Variants in PLAC9 observed in about 807,000 individuals in gnomAD.
PLAC9 encodes the protein placenta-specific protein 9.
In PLAC9, 12 loss-of-function variants were observed where a neutral mutation model predicts 11.5. The observed-to-expected ratio is 1.05, with a 90% CI of 0.67 to 1.69. The LOEUF is 1.69. PLAC9 is among the 40% of genes most tolerant of loss of function. The pLI, the probability that PLAC9 is intolerant of heterozygous loss-of-function variation, is 0.00. For synonymous variants in PLAC9, 62 were observed against 58.1 expected, an observed-to-expected ratio of 1.07 and a Z score of -0.31; for missense variants, 132 against 130.5, an observed-to-expected ratio of 1.01 and a Z score of -0.06.
chr10:80,134,983 C>T (rs56365235), intron 1 of PLAC9, among the ~76,000 whole-genome samples: 15,383 of 150,982 alleles, frequency 0.1, 953 homozygotes, highest in Admixed American at 0.21. Context: ...ATCTCTAGCA[C>T]GTCCAACTTC....
Position 80,144,421 on chromosome 10 carries a change from C to A in PLAC9, c.283+78C>A, listed in dbSNP as rs1228671440. The A allele has an allele frequency of 6.1e-6, 9 of 1,482,308 alleles. No homozygotes were observed. The East Asian group carries it at 2.0e-4, about 33-fold the overall frequency. The allele number at this position is 1,482,308 out of a possible 1,614,324, so 91.8% of individuals were successfully genotyped here. A position where few individuals can be genotyped will look rare whatever the true frequency, so the allele number is the denominator to read the frequency against. Reference sequence around the variant, plus strand: ...TGGGCAGGCGAGACAGGGACGGCTGCTCCACTGCACAGGTGTAGCCTGGCT... The same window carrying A: ...TGGGCAGGCGAGACAGGGACGGCTGATCCACTGCACAGGTGTAGCCTGGCT... On this transcript the variant is annotated intron_variant, in intron 3 of 3. Transcript: ENST00000372263.
chr10:80,134,301 T>A (rs1844949379), intron 1 of PLAC9, among the ~76,000 whole-genome samples: 1 of 150,696 alleles, frequency 6.6e-6, no homozygotes, highest in Non-Finnish European at 1.5e-5. Flanking sequence ...TTTCATTCTG[T>A]CACCCATGCT....
At chr10:80,135,837 T>C (rs1259255173) in intron 1 of PLAC9, among the ~76,000 whole-genome samples, 1 of 152,238 alleles carries the variant, frequency 6.6e-6, no homozygotes, top group Non-Finnish European at 1.5e-5. Flanking sequence ...AAATATTGGA[T>C]GTGGTAAATT....
intron 1 of PLAC9, among the ~76,000 whole-genome samples, chr10:80,135,121 A>G (rs2789696): frequency 0.53 from 80,286 of 150,328 alleles, 22,329 homozygotes; most frequent in Middle Eastern, 0.63. Context: ...CCGGGTTCAC[A>G]CCATTCTCCT....
At chr10:80,135,754 GA>G (rs1159083207) in intron 1 of PLAC9, among the ~76,000 whole-genome samples, 1 of 152,118 alleles carries the variant, frequency 6.6e-6, no homozygotes, top group African/African-American at 2.4e-5. Context: ...ATCACTTGAA[GA>G]ATAGTTTTCT....
At position 80,132,769 on chromosome 10, in the gene PLAC9, C is replaced by T. The variant is rs753632730; in HGVS notation, c.7C>T (p.Pro3Ser). 3.2e-5 allele frequency: 48 copies of T among 1,487,876 alleles called. No individual in the cohort carries two copies. The highest frequency in any genetic ancestry group is 4.4e-5 in the African/African-American group (3 of 68,626). The allele number at this position is 1,487,876 out of a possible 1,614,324, so 92.2% of individuals were successfully genotyped here. Residue 3 changes from proline (P) to serine (S), a missense_variant, in exon 1 of 4, where the codon CCC (proline) becomes TCC (serine). Transcript: ENST00000372263. MRPLLCALTGLAL... is the reference protein window; with the variant it reads MRSLLCALTGLAL... ...GCTCGGCCAGGCCGGCACCATGCGGCCCCTGCTCTGCGCGCTGACCGGACT... is the reference window on the plus strand; with the variant it reads ...GCTCGGCCAGGCCGGCACCATGCGGTCCCTGCTCTGCGCGCTGACCGGACT...
rs1845046658 is a variant in PLAC9, at chr10:80,142,092, C to A, written c.75C>A (p.Pro25=). 6.2e-7 allele frequency: 1 copy of A among 1,610,126 alleles called. No homozygotes were observed. The highest frequency in any genetic ancestry group is 8.5e-7 in the Non-Finnish European group (1 of 1,177,058). Residue 25 remains proline, a synonymous_variant, in exon 2 of 4, where the codon CCC becomes CCA. Coordinates refer to ENST00000372263, the MANE Select transcript of PLAC9 (RefSeq NM_001012973.3). The part of the protein sequence containing the change: ...RAAGSLAAAE[P]FSPPRGDSAQ... ...CTTGTTTTCCCACAGCTGCCGAACC[C>A]TTCAGCCCTCCGCGAGGAGACTCAG...
At chr10:80,143,029 T>C (rs1162874626) in intron 2 of PLAC9, among the ~76,000 whole-genome samples, 1 of 149,152 alleles carries the variant, frequency 6.7e-6, no homozygotes, top group Non-Finnish European at 1.5e-5. Context: ...GGCCAATACA[T>C]ATATTACATC....
chr10:80,140,247 T>C (rs1254957104), intron 1 of PLAC9, among the ~76,000 whole-genome samples: 2 of 151,840 alleles, frequency 1.3e-5, no homozygotes, highest in Non-Finnish European at 2.9e-5. Context: ...CCATAAATAC[T>C]CCTCTAGACC....
rs766334142 is a variant in PLAC9, at chr10:80,142,170, C to A, written c.153C>A (p.Val51=). The A allele has an allele frequency of 1.9e-6, 3 of 1,604,932 alleles. No individual in the cohort carries two copies. The South Asian group carries it at 3.3e-5, about 18-fold the overall frequency. ...RHMAVQRRLD[V]MEEMVEKTVD... ...TGGCTGTGCAACGCCGTCTAGATGT[C>A]ATGGAGGAGGTAACAGGGTGGTTTG... Residue 51 remains valine (V), a synonymous_variant, in exon 2 of 4, where the codon GTC becomes GTA. Coordinates refer to ENST00000372263, the MANE Select transcript of PLAC9 (RefSeq NM_001012973.3).
chr10:80,133,023 C>A (rs1844930928), intron 1 of PLAC9, among the ~76,000 whole-genome samples, 197 bp downstream of exon 1: 1 of 151,580 alleles, frequency 6.6e-6, no homozygotes, highest in Non-Finnish European at 1.5e-5. Flanking sequence ...AGTAGAGCAA[C>A]GGAGAGATAA....
chr10:80,133,074 A>G (rs1044884934), intron 1 of PLAC9, among the ~76,000 whole-genome samples: 1 of 152,190 alleles, frequency 6.6e-6, no homozygotes, highest in African/African-American at 2.4e-5. Flanking sequence ...GAAAAAGGAG[A>G]GGCTGAGACA....
chr10:80,138,919 G>A (rs1424049030), intron 1 of PLAC9, among the ~76,000 whole-genome samples: 1 of 151,044 alleles, frequency 6.6e-6, no homozygotes, highest in Non-Finnish European at 1.5e-5. Context: ...CTCTGAAGCT[G>A]CTCGACCTCT....
At chr10:80,144,126 A>C in intron 2 of PLAC9, 97 bp from the exon 3 acceptor site, 1 of 1,551,550 alleles carries the variant, frequency 6.4e-7, no homozygotes, top group Non-Finnish European at 8.9e-7. Flanking sequence ...TTCCCACTGC[A>C]CCGCACTGGA....
At chr10:80,141,098 G>A (rs769782878) in intron 1 of PLAC9, among the ~76,000 whole-genome samples, 28 of 152,056 alleles carry the variant, frequency 1.8e-4, no homozygotes, top group Non-Finnish European at 2.9e-4. Context: ...TGTTACTAAC[G>A]GGTTCCCAGT....
intron 2 of PLAC9, among the ~76,000 whole-genome samples, chr10:80,143,382 T>C (rs1845062863): frequency 7.5e-6 from 1 of 134,210 alleles, no homozygotes; most frequent in African/African-American, 2.9e-5. Context: ...TAATTTTAAA[T>C]ACTTGAATTT....
At chr10:80,136,972 A>T (rs1397891072) in intron 1 of PLAC9, among the ~76,000 whole-genome samples, 1 of 152,204 alleles carries the variant, frequency 6.6e-6, no homozygotes. Flanking sequence ...ACAATCCCAC[A>T]ATCATTAGTG....
At chr10:80,133,943 C>CA (rs61127711) in intron 1 of PLAC9, among the ~76,000 whole-genome samples, 3,862 of 107,632 alleles carry the variant, frequency 0.036, 193 homozygotes, top group African/African-American at 0.13. Flanking sequence ...GACTCAGTTT[C>CA]AAAAAAAAAA....
At chr10:80,144,804 G>A in intron 3 of PLAC9, 96 bp from the exon 4 acceptor site, 1 of 1,287,856 alleles carries the variant, frequency 7.8e-7, no homozygotes, top group Non-Finnish European at 1.0e-6. Context: ...AGTTCCTGGG[G>A]GCCGGGGAGG....
Sources: allele counts gnomAD v4.1 joint callset (sites outside exome capture counted in the v4.1 genomes callset), GRCh38; gene constraint gnomAD v4.1.1; transcripts MANE v1.5; gene names NCBI Gene and HGNC (gene_info 2026-07-23, HGNC 2026-07-21).